Variants in TULP4 observed in about 807,000 individuals in gnomAD.
TULP4 encodes tubby-related protein 4.
A neutral mutation model predicts 129.0 loss-of-function variants in TULP4; 16 were observed. The ratio of observed to expected loss-of-function variants is 0.12; its 90% confidence interval spans 0.08 to 0.19. TULP4 has a LOEUF of 0.19. Ranked by LOEUF, TULP4 falls within the 10% of genes least tolerant of loss-of-function variation. The pLI is 1.00. For synonymous variants in TULP4, 998 were observed against 854.0 expected, an observed-to-expected ratio of 1.17 and a Z score of -2.94; for missense variants, 1,842 against 2,059.1, an observed-to-expected ratio of 0.89 and a Z score of 2.04.
chr6:158,236,795 C>CTTTTTCTTTTTTTTTT (rs1777713125), intron 1 of TULP4, among the ~76,000 whole-genome samples: 1 of 63,292 alleles, frequency 1.6e-5, no homozygotes, highest in Non-Finnish European at 3.1e-5. Context: ...CAATTCTTTT[C>CTTTTTCTTTTTTTTTT]TTTTTTTTTT....
intron 1 of TULP4, among the ~76,000 whole-genome samples, chr6:158,254,366 C>T (rs1051940966): frequency 1.3e-5 from 2 of 152,136 alleles, no homozygotes; most frequent in Non-Finnish European, 1.5e-5. Flanking sequence ...TGGTCTCAAA[C>T]TCCTGACCTC....
chr6:158,281,170 C>T (rs910791480), upstream of TULP4, among the ~76,000 whole-genome samples: 6 of 150,188 alleles, frequency 4.0e-5, no homozygotes, highest in African/African-American at 1.2e-4. Context: ...GGTATCTCAG[C>T]GAGGTAATTC....
rs757260612 is a variant in TULP4, at chr6:158,413,151, G to A, written c.339G>A (p.Glu113=). ...DGGIFVWIQY[E]GRWSVELVND... is the part of the protein sequence containing the mutation. ...GCATATTCGTGTGGATTCAGTACGAGGGCAGGTGGTCTGTGGAGCTGGTCA... is the reference window on the plus strand; with the variant it reads ...GCATATTCGTGTGGATTCAGTACGAAGGCAGGTGGTCTGTGGAGCTGGTCA... Residue 113 remains glutamate (E), a synonymous_variant, in exon 2 of 14, where the codon GAG becomes GAA. Coordinates refer to ENST00000367097, the MANE Select transcript of TULP4 (RefSeq NM_020245.5). The surrounding 1 kb of genome is among the most constrained non-coding windows in gnomAD (Gnocchi z 4.9). The A allele has an allele frequency of 3.1e-6, 5 of 1,613,724 alleles. No individual in the cohort carries two copies.
At chr6:158,452,069 C>T (rs1779173816) in intron 4 of TULP4, 65 bp from the exon 5 acceptor site, 1 of 1,588,752 alleles carries the variant, frequency 6.3e-7, no homozygotes, top group Non-Finnish European at 8.6e-7. Context: ...AAGATTTCAG[C>T]TTTGGGAACC....
intron 1 of TULP4, among the ~76,000 whole-genome samples, chr6:158,275,992 G>A (rs754232566): frequency 3.3e-5 from 5 of 151,438 alleles, no homozygotes; most frequent in Admixed American, 6.6e-5. Context: ...TTTTTGTTAC[G>A]GCAGTCTTGC....
intron 1 of TULP4, among the ~76,000 whole-genome samples, chr6:158,337,098 CTCT>C (rs1780058740): frequency 1.2e-5 from 1 of 83,720 alleles, no homozygotes; most frequent in Non-Finnish European, 2.5e-5. Context: ...CTCTCTCTCT[CTCT>C]TTTTTTCTCT....
At chr6:158,322,979 G>A (rs887313473) in intron 1 of TULP4, among the ~76,000 whole-genome samples, 4 of 152,172 alleles carry the variant, frequency 2.6e-5, no homozygotes, top group Non-Finnish European at 1.5e-5. Context: ...CGTTTAGCGC[G>A]TGCTTTTCTC....
At chr6:158,490,556 A>G (rs1488476587) in intron 9 of TULP4, among the ~76,000 whole-genome samples, 1 of 152,204 alleles carries the variant, frequency 6.6e-6, no homozygotes, top group East Asian at 1.9e-4. Flanking sequence ...TTACATACAG[A>G]TACACATCTG....
intron 12 of TULP4, 141 bp downstream of exon 12, chr6:158,498,953 G>A (rs1318052261): frequency 1.8e-6 from 2 of 1,087,008 alleles, no homozygotes; most frequent in Non-Finnish European, 2.7e-6. Context: ...AAGGTTGGTA[G>A]ATGTGATGTT....
intron 3 of TULP4, among the ~76,000 whole-genome samples, chr6:158,432,633 C>T (rs772623089): frequency 2.6e-5 from 4 of 152,138 alleles, no homozygotes; most frequent in South Asian, 2.1e-4. Context: ...GAGGCCAAGG[C>T]GGGTGGATCA....
intron 1 of TULP4, among the ~76,000 whole-genome samples, chr6:158,367,321 T>A (rs900258568): frequency 6.6e-6 from 1 of 152,064 alleles, no homozygotes; most frequent in African/African-American, 2.4e-5. Context: ...GGAGGAGGAG[T>A]CGTCAGCCAG....
chr6:158,430,872 T>C (rs1354454351), intron 3 of TULP4, among the ~76,000 whole-genome samples: 6 of 152,216 alleles, frequency 3.9e-5, no homozygotes, highest in Admixed American at 3.9e-4. Flanking sequence ...TTTAAGTTTA[T>C]TATTGGTAAA....
At chr6:158,339,837 G>A (rs1321820132) in intron 1 of TULP4, among the ~76,000 whole-genome samples, 2 of 152,138 alleles carry the variant, frequency 1.3e-5, no homozygotes, top group Non-Finnish European at 2.9e-5. Context: ...TCATCACAGG[G>A]CCCTGAAGCT....
intron 3 of TULP4, among the ~76,000 whole-genome samples, chr6:158,433,948 C>T (rs1359899834): frequency 1.2e-5 from 1 of 80,912 alleles, no homozygotes; most frequent in Non-Finnish European, 3.4e-5. Flanking sequence ...TCTCACAGTT[C>T]TTCTGGAGGC....
intron 1 of TULP4, among the ~76,000 whole-genome samples, chr6:158,380,910 A>AAAAG (rs779845034): frequency 3.7e-5 from 5 of 135,046 alleles, no homozygotes; most frequent in South Asian, 2.3e-4. Flanking sequence ...AAAAAAAAAA[A>AAAAG]AAGAAGAAGA....
At position 158,353,009 on chromosome 6, in the gene TULP4, C is replaced by T. The variant is rs148596353; in HGVS notation, c.252+38741C>T. On this transcript the variant is annotated intron_variant, in intron 1 of 13. Transcript: ENST00000367097. ...ATAAATTTTACAATCATTTTTTATT[C>T]GAAGTAGGCAAGCCTGCAGAGAGCA... 5.6e-4 allele frequency among the ~76,000 whole-genome samples: 85 copies of T among 152,168 alleles called. 1 individual carries two copies. Among genetic ancestry groups the T allele is most frequent in the African/African-American group, 1.9e-3 (79 of 41,508 alleles).
At chr6:158,474,074 G>A (rs1288764019) in intron 6 of TULP4, among the ~76,000 whole-genome samples, 1 of 152,234 alleles carries the variant, frequency 6.6e-6, no homozygotes, top group Non-Finnish European at 1.5e-5. Context: ...TCCTGCCTCA[G>A]CCTCCCAAAG....
chr6:158,482,125 A>G (rs1174403944), intron 8 of TULP4, among the ~76,000 whole-genome samples: 6 of 151,938 alleles, frequency 3.9e-5, no homozygotes, highest in Non-Finnish European at 8.8e-5. Flanking sequence ...CCCTCAGTGG[A>G]TTTGGATTTG....
intron 1 of TULP4, among the ~76,000 whole-genome samples, chr6:158,296,107 T>G (rs1347026930): frequency 6.6e-6 from 1 of 152,208 alleles, no homozygotes; most frequent in Admixed American, 6.5e-5. Context: ...TTATAGGTAT[T>G]CTTTCATAAG....
Sources: allele counts gnomAD v4.1 joint callset (sites outside exome capture counted in the v4.1 genomes callset), GRCh38; gene constraint gnomAD v4.1.1; non-coding constraint Gnocchi (gnomAD v3.1); transcripts MANE v1.5; gene names NCBI Gene and HGNC (gene_info 2026-07-23, HGNC 2026-07-21).